ACOXL: variants seen among roughly 807,000 people sequenced by gnomAD.
The protein encoded by ACOXL is acyl-CoA oxidase like.
ACOXL carries 70 observed loss-of-function variants against 71.9 expected under a neutral mutation model. That is an observed-to-expected ratio of 0.97 (90% CI 0.80 to 1.19). ACOXL has a LOEUF of 1.19. Among genes scored for constraint, ACOXL ranks in the 50% most tolerant of loss-of-function variants. ACOXL has a pLI of 0.00. For missense variants in ACOXL, 703 were observed against 736.3 expected, an observed-to-expected ratio of 0.95 and a Z score of 0.52; for synonymous variants, 253 against 281.6, an observed-to-expected ratio of 0.90 and a Z score of 1.02.
In ACOXL at chr2:110,980,884, C is replaced by T. The variant is rs114018697; in HGVS notation, c.1060-6224C>T. On this transcript the variant is annotated intron_variant, in intron 12 of 17. Transcript: ENST00000439055. The stretch of plus-strand genomic sequence containing the variant: ...TGAGAATTTATGTCAAGTGTGAGTG[C>T]GCAGCCCCTCTCTGTGCCCACTGAG... Among the ~76,000 whole-genome samples, 1,442 of 152,294 alleles carry T rather than the reference C, an allele frequency of 9.5e-3. 9 individuals are homozygous for T. Among genetic ancestry groups the T allele is most frequent in the South Asian group, 0.027 (132 of 4,828 alleles).
intron 16 of ACOXL, among the ~76,000 whole-genome samples, chr2:111,066,317 T>C (rs1313219445): frequency 6.6e-6 from 1 of 152,184 alleles, no homozygotes; most frequent in South Asian, 2.1e-4. Context: ...TATACCAGTC[T>C]TGATATGACA....
At position 111,092,892 on chromosome 2, in the gene ACOXL, G is replaced by T. The variant is rs1200569166; in HGVS notation, c.1468G>T (p.Val490Leu). 6.2e-7 allele frequency: 1 copy of T among 1,613,844 alleles called. No homozygotes were observed. The change falls in exon 17 of 18, where the codon GTG (valine) becomes TTG (leucine). Residue 490 changes from valine (V) to leucine (L), a missense_variant. Coordinates refer to ENST00000439055, the MANE Select transcript of ACOXL (RefSeq NM_001142807.4). Reference protein sequence around the residue: ...KFCLLYGTKLVFQERAWYLEH... With the variant: ...KFCLLYGTKLLFQERAWYLEH... ...TTGTCTGTTGTATGGAACCAAGCTG[G>T]TGTTTCAGGAGCGGGCCTGGTATTT... is the stretch of plus-strand genomic sequence containing the variant.
intron 17 of ACOXL, among the ~76,000 whole-genome samples, chr2:111,101,668 A>C (rs1446848529): frequency 2.6e-5 from 4 of 151,814 alleles, no homozygotes; most frequent in African/African-American, 9.7e-5. Context: ...AAAAAAAAAA[A>C]AACTGTTTCC....
At chr2:111,045,262 G>A (rs1348406438) in intron 15 of ACOXL, among the ~76,000 whole-genome samples, 1 of 152,180 alleles carries the variant, frequency 6.6e-6, no homozygotes, top group Non-Finnish European at 1.5e-5. Context: ...AAGTAGATAC[G>A]ACAACTGCTT....
chr2:110,756,036 T>C (rs937929517), intron 1 of ACOXL, among the ~76,000 whole-genome samples: 5 of 152,194 alleles, frequency 3.3e-5, no homozygotes, highest in African/African-American at 1.2e-4. Context: ...ATTAGAATTG[T>C]CTAACATGTC....
chr2:111,117,677 T>C lies in ACOXL; in HGVS notation c.1604T>C (p.Ile535Thr). Residue 535 changes from isoleucine (I) to threonine (T), a missense_variant, in exon 18 of 18, where the codon ATT (isoleucine) becomes ACT (threonine). Coordinates refer to ENST00000439055, the MANE Select transcript of ACOXL (RefSeq NM_001142807.4). ...DARRVISTFN[I>T]PHTYLHAPIA... ...CGGAGGGTGATCTCGACCTTTAACATTCCACACACCTACCTCCACGCACCA... is the reference window on the plus strand; with the variant it reads ...CGGAGGGTGATCTCGACCTTTAACACTCCACACACCTACCTCCACGCACCA... 1 of 1,551,780 alleles carries C rather than the reference T, an allele frequency of 6.4e-7. No individual in the cohort carries two copies. The highest frequency in any genetic ancestry group is 8.7e-7 in the Non-Finnish European group (1 of 1,147,008).
chr2:110,950,976 C>T (rs2061313792), intron 12 of ACOXL, among the ~76,000 whole-genome samples: 1 of 152,140 alleles, frequency 6.6e-6, no homozygotes, highest in South Asian at 2.1e-4. Context: ...TTGCTCTTCT[C>T]TGCATTTGTG....
Position 110,866,409 on chromosome 2 carries a change from C to T in ACOXL, c.788+25004C>T, listed in dbSNP as rs1424133993. Among the ~76,000 whole-genome samples, 5 of 152,180 alleles carry T rather than the reference C, an allele frequency of 3.3e-5. No homozygotes were observed. The East Asian group carries it at 9.7e-4, about 29-fold the overall frequency. ...TCAGGGTGATGAAGTAGGATTAGTT[C>T]AGACTCAGTTAAGTGAGTCATTTAG... On this transcript the variant is annotated intron_variant, in intron 10 of 17. Transcript: ENST00000439055.
intron 11 of ACOXL, among the ~76,000 whole-genome samples, chr2:110,927,809 T>C (rs2060333339): frequency 6.6e-6 from 1 of 152,230 alleles, no homozygotes; most frequent in Non-Finnish European, 1.5e-5. Flanking sequence ...CACACCTGGC[T>C]GTGGGATTGC....
chr2:110,869,802 C>T (rs1204572880), intron 10 of ACOXL, among the ~76,000 whole-genome samples: 3 of 152,252 alleles, frequency 2.0e-5, no homozygotes, highest in Non-Finnish European at 4.4e-5. Context: ...GTCCTCCTGG[C>T]CACAGAAGAC....
At chr2:110,773,403 AG>A (rs1356296034) in intron 2 of ACOXL, among the ~76,000 whole-genome samples, 5 of 152,130 alleles carry the variant, frequency 3.3e-5, no homozygotes, top group Admixed American at 1.3e-4. Flanking sequence ...TTAAGCCCTG[AG>A]TGTGTTGTGC....
At chr2:111,116,583 C>T (rs1205396345) in intron 17 of ACOXL, among the ~76,000 whole-genome samples, 1 of 151,954 alleles carries the variant, frequency 6.6e-6, no homozygotes, top group Non-Finnish European at 1.5e-5. Context: ...GACATGACCA[C>T]CATGTGAGGG....
chr2:110,752,292 G>GCCA (rs1218894992), intron 1 of ACOXL, among the ~76,000 whole-genome samples: 1 of 152,056 alleles, frequency 6.6e-6, no homozygotes, highest in Non-Finnish European at 1.5e-5. Flanking sequence ...ACAGATGTGA[G>GCCA]CCACCGCACC....
At position 111,085,319 on chromosome 2, in the gene ACOXL, A is replaced by C. The variant is rs143233277; in HGVS notation, c.1441-7546A>C. On this transcript the variant is annotated intron_variant, in intron 16 of 17. Transcript: ENST00000439055. ...TGGCACATACTCTAAAATTGACCAC[A>C]CAGTCAGGCATAAAACAACACTCAG... Among the ~76,000 whole-genome samples, 11 of 152,334 alleles carry C rather than the reference A, an allele frequency of 7.2e-5. No individual in the cohort carries two copies. In the East Asian group the frequency reaches 2.1e-3, roughly 29 times the overall value.
chr2:110,810,914 C>T (rs1452643571), intron 9 of ACOXL, among the ~76,000 whole-genome samples: 1 of 152,238 alleles, frequency 6.6e-6, no homozygotes, highest in African/African-American at 2.4e-5. Flanking sequence ...ACACGTCCTT[C>T]TCCACATGGC....
At chr2:111,018,455 T>C (rs1349718024) in intron 14 of ACOXL, among the ~76,000 whole-genome samples, 1 of 152,142 alleles carries the variant, frequency 6.6e-6, no homozygotes, top group Non-Finnish European at 1.5e-5. Context: ...CAGTATCCCA[T>C]TGGGTCACAG....
intron 14 of ACOXL, among the ~76,000 whole-genome samples, chr2:111,006,967 C>T (rs923262615): frequency 6.6e-6 from 1 of 152,020 alleles, no homozygotes; most frequent in Non-Finnish European, 1.5e-5. Context: ...TCATAGAGAG[C>T]ATCCTTAAAT....
At chr2:111,037,654 T>C (rs1167913079) in intron 15 of ACOXL, among the ~76,000 whole-genome samples, 2 of 152,174 alleles carry the variant, frequency 1.3e-5, no homozygotes, top group African/African-American at 4.8e-5. Flanking sequence ...TTGTTTAATC[T>C]CCACAACAAC....
chr2:110,975,181 G>A (rs1488059599), intron 12 of ACOXL, among the ~76,000 whole-genome samples: 2 of 152,174 alleles, frequency 1.3e-5, no homozygotes, highest in Non-Finnish European at 2.9e-5. Flanking sequence ...TCAGACTCCC[G>A]AGGGTATTTT....
Sources: gnomAD v4.1 joint callset for allele counts (sites outside exome capture counted in the v4.1 genomes callset) on GRCh38, gnomAD v4.1.1 for gene constraint, MANE v1.5 for transcripts, NCBI Gene and HGNC (gene_info 2026-07-23, HGNC 2026-07-21) for gene names.